The following CNTN1 variants were observed in gnomAD, a reference collection of about 807,000 sequenced individuals.
CNTN1 encodes contactin 1.
Under a neutral mutation model 126.4 loss-of-function variants are expected in CNTN1, and 38 were observed. That is an observed-to-expected ratio of 0.30 (90% CI 0.23 to 0.39). The LOEUF is 0.39. Among genes scored for constraint, CNTN1 ranks in the 10% least tolerant of loss-of-function variants. The pLI is 1.00. For synonymous variants in CNTN1, 413 were observed against 422.6 expected, an observed-to-expected ratio of 0.98 and a Z score of 0.28; for missense variants, 1,009 against 1,248.4, an observed-to-expected ratio of 0.81 and a Z score of 2.89.
In CNTN1 at chr12:40,984,880, C is replaced by T. The variant is rs574394847; in HGVS notation, c.1963+3813C>T. On this transcript the variant is annotated intron_variant, in intron 16 of 23. Transcript: ENST00000551295. ...ACATATGTGTGAATATATATACATA[C>T]ATATATAGTTTTCTACAATTACTTT... Among the ~76,000 whole-genome samples the T allele has an allele frequency of 1.7e-4, 26 of 152,010 alleles. No individual in the cohort carries two copies. In the South Asian group the frequency reaches 5.2e-3, roughly 30 times the overall value.
chr12:40,947,983 G>A (rs1210408606), intron 14 of CNTN1, among the ~76,000 whole-genome samples: 2 of 151,720 alleles, frequency 1.3e-5, no homozygotes, highest in South Asian at 2.1e-4. Context: ...CACCTCTTAT[G>A]TGGTGACTCT....
At chr12:40,920,526 A>G (rs1381148103) in intron 4 of CNTN1, among the ~76,000 whole-genome samples, 3 of 151,876 alleles carry the variant, frequency 2.0e-5, no homozygotes, top group Non-Finnish European at 4.4e-5. Context: ...GAAAGAACAG[A>G]AAAAAAATCA....
intron 23 of CNTN1, among the ~76,000 whole-genome samples, chr12:41,054,295 A>G (rs989413518): frequency 2.0e-5 from 3 of 151,928 alleles, no homozygotes; most frequent in Non-Finnish European, 2.9e-5. Context: ...ACTAGTAAAC[A>G]TAGTATTATA....
intron 16 of CNTN1, among the ~76,000 whole-genome samples, chr12:40,987,512 G>C (rs981625478): frequency 6.6e-6 from 1 of 152,134 alleles, no homozygotes; most frequent in Non-Finnish European, 1.5e-5. Flanking sequence ...GTTAGTGATG[G>C]TGTGTGTGTA....
At chr12:41,038,668 T>C (rs1949325498) in intron 23 of CNTN1, among the ~76,000 whole-genome samples, 1 of 152,148 alleles carries the variant, frequency 6.6e-6, no homozygotes, top group Non-Finnish European at 1.5e-5. Context: ...AGAGCAACTT[T>C]CACAAAATAG....
intron 1 of CNTN1, among the ~76,000 whole-genome samples, chr12:40,778,886 C>T (rs562913995): frequency 6.6e-6 from 1 of 151,826 alleles, no homozygotes; most frequent in East Asian, 1.9e-4. Flanking sequence ...GAGTTAGTTG[C>T]CTGTTTGAAA....
chr12:40,755,322 T>G (rs902745558), intron 1 of CNTN1, among the ~76,000 whole-genome samples: 1 of 151,928 alleles, frequency 6.6e-6, no homozygotes, highest in African/African-American at 2.4e-5. Context: ...TCTTATTTAT[T>G]TATTCTTCCA....
chr12:40,914,292 CT>C (rs1412625661), intron 3 of CNTN1, among the ~76,000 whole-genome samples: 10 of 152,228 alleles, frequency 6.6e-5, no homozygotes, highest in Admixed American at 6.5e-4. Context: ...ATTCTTCTCC[CT>C]GCATCTGAGC....
At chr12:40,778,555 T>C (rs28478716) in intron 1 of CNTN1, among the ~76,000 whole-genome samples, 10,580 of 151,916 alleles carry the variant, frequency 0.07, 1,037 homozygotes, top group African/African-American at 0.22. Flanking sequence ...AAATATTATA[T>C]TAATCTGGAG....
chr12:40,695,799 A>T (rs528033968), intron 1 of CNTN1, among the ~76,000 whole-genome samples: 7 of 151,852 alleles, frequency 4.6e-5, no homozygotes, highest in African/African-American at 1.7e-4. Flanking sequence ...TCTCCCTCTT[A>T]TCTTCTCTTT....
chr12:40,908,278 C>T, intron 1 of CNTN1, 79 bp from the exon 2 acceptor site: 1 of 565,538 alleles, frequency 1.8e-6, no homozygotes, highest in Non-Finnish European at 3.1e-6. Flanking sequence ...TTTCTTTCTT[C>T]TCCTCTCCTC....
intron 1 of CNTN1, among the ~76,000 whole-genome samples, chr12:40,893,357 T>G (rs1944305331): frequency 1.3e-5 from 2 of 152,108 alleles, no homozygotes. Context: ...AAACTTTATA[T>G]GTTCAAAATT....
intron 6 of CNTN1, among the ~76,000 whole-genome samples, chr12:40,925,563 A>ATATATACG (rs1423810511): frequency 6.8e-6 from 1 of 146,240 alleles, no homozygotes; most frequent in Non-Finnish European, 1.5e-5. Flanking sequence ...ATATACACGT[A>ATATATACG]TATATACGTA....
At chr12:41,049,718 T>G (rs1949629096) in intron 23 of CNTN1, among the ~76,000 whole-genome samples, 3 of 152,220 alleles carry the variant, frequency 2.0e-5, no homozygotes, top group Admixed American at 2.0e-4. Flanking sequence ...CTTTAATGGC[T>G]TCCTATCTGA....
At position 40,936,870 on chromosome 12, in the gene CNTN1, A is replaced by G. The variant is rs773358303; in HGVS notation, c.1075A>G (p.Ile359Val). ...GCCTTGTGTGGCCACAGGAAAGCCC[A>G]TCCCTACAATCCGATGGTTGAAAAA... is the stretch of plus-strand genomic sequence containing the variant. ...YWPCVATGKP[I>V]PTIRWLKNGY... The change falls in exon 10 of 24, where the codon ATC (isoleucine) becomes GTC (valine). Residue 359 changes from isoleucine to valine, a missense_variant. Transcript: ENST00000551295. The G allele has an allele frequency of 6.2e-7, 1 of 1,613,316 alleles. No individual in the cohort carries two copies. Among genetic ancestry groups the G allele is most frequent in the East Asian group, 2.2e-5 (1 of 44,846 alleles).
At chr12:40,709,844 T>A (rs553061288) in intron 1 of CNTN1, among the ~76,000 whole-genome samples, 2 of 152,338 alleles carry the variant, frequency 1.3e-5, no homozygotes, top group South Asian at 2.1e-4. Context: ...AAGGGAATGT[T>A]GTGGCTGGTT....
At chr12:40,997,182 A>G (rs1056120285) in intron 17 of CNTN1, among the ~76,000 whole-genome samples, 2 of 152,254 alleles carry the variant, frequency 1.3e-5, no homozygotes, top group African/African-American at 2.4e-5. Context: ...TAGAAAAGAG[A>G]TAACAAAAGT....
intron 1 of CNTN1, among the ~76,000 whole-genome samples, chr12:40,761,928 A>G (rs1035657700): frequency 6.6e-6 from 1 of 152,014 alleles, no homozygotes; most frequent in Non-Finnish European, 1.5e-5. Flanking sequence ...CACTTTTACA[A>G]TACAATCCTA....
At chr12:40,775,614 A>G (rs1289794881) in intron 1 of CNTN1, among the ~76,000 whole-genome samples, 1 of 151,558 alleles carries the variant, frequency 6.6e-6, no homozygotes, top group Non-Finnish European at 1.5e-5. Context: ...CAAGTAAAAT[A>G]TGAACATACT....
Sources: gnomAD v4.1 joint callset for allele counts (sites outside exome capture counted in the v4.1 genomes callset) on GRCh38, gnomAD v4.1.1 for gene constraint, MANE v1.5 for transcripts, NCBI Gene and HGNC (gene_info 2026-07-23, HGNC 2026-07-21) for gene names.